CRIP3: variants seen among roughly 807,000 people sequenced by gnomAD.
CRIP3 encodes cysteine-rich protein 3.
In CRIP3, 23 loss-of-function variants were observed where a neutral mutation model predicts 30.3. The ratio of observed to expected loss-of-function variants is 0.76; its 90% CI spans 0.55 to 1.08. The LOEUF (loss-of-function observed/expected upper bound fraction) is 1.08. Among genes scored for constraint, CRIP3 ranks in the 50% least tolerant of loss-of-function variants. The pLI is 0.00. For missense variants in CRIP3, 261 were observed against 259.3 expected, an observed-to-expected ratio of 1.01 and a Z score of -0.04; for synonymous variants, 89 against 97.6, an observed-to-expected ratio of 0.91 and a Z score of 0.52.
At chr6:43,308,254 G>C in intron 2 of CRIP3, 61 bp downstream of exon 2, 1 of 1,415,950 alleles carries the variant, frequency 7.1e-7, no homozygotes, top group Non-Finnish European at 9.7e-7. Flanking sequence ...GTTGGGGGCT[G>C]GTGCCTGGGG....
chr6:43,306,170 C>T, intron 6 of CRIP3, 46 bp from the exon 7 acceptor site: 1 of 1,614,058 alleles, frequency 6.2e-7, no homozygotes, highest in Non-Finnish European at 8.5e-7. Context: ...GGTTCTCTTC[C>T]CATCTCCAGC....
rs1778911436 is a variant in CRIP3, at chr6:43,305,761, C to T, written c.*53G>A. On this transcript the variant is annotated 3_prime_UTR_variant, in exon 8 of 8. Transcript: ENST00000372569. ...GAGATTTTTGTAGCTTCCATTGGAC[C>T]ATGAGGGGCATGATGGGAGGCCTGA... The T allele has an allele frequency of 6.2e-7, 1 of 1,606,940 alleles. No homozygotes were observed. The highest frequency in any genetic ancestry group is 1.7e-5 in the Admixed American group (1 of 59,984).
chr6:43,308,435 C>A (rs1778992650), intron 1 of CRIP3, 26 bp from the exon 2 acceptor site: 1 of 1,596,368 alleles, frequency 6.3e-7, no homozygotes. Flanking sequence ...TGGAACCGAG[C>A]TGCGAGGAGC....
chr6:43,308,245 T>C, intron 2 of CRIP3, 70 bp downstream of exon 2: 9 of 1,356,946 alleles, frequency 6.6e-6, no homozygotes, highest in Non-Finnish European at 9.2e-6. Context: ...AGTGCTGAAG[T>C]TGGGGGCTGG....
At chr6:43,308,011 C>A in intron 2 of CRIP3, 115 bp from the exon 3 acceptor site, 1 of 1,186,932 alleles carries the variant, frequency 8.4e-7, no homozygotes, top group Admixed American at 2.0e-5. Flanking sequence ...GTCTGGTGGG[C>A]CTGGGAGGGG....
At chr6:43,307,562 C>G (rs1294199119) in intron 4 of CRIP3, 50 bp downstream of exon 4, 6 of 1,378,506 alleles carry the variant, frequency 4.4e-6, no homozygotes, top group Non-Finnish European at 5.7e-6. Context: ...TCCGCTCCAG[C>G]TTGGGGAAGG....
At chr6:43,308,126 C>T (rs1251245276) in intron 2 of CRIP3, among the ~76,000 whole-genome samples, 189 bp downstream of exon 2, 1 of 152,056 alleles carries the variant, frequency 6.6e-6, no homozygotes, top group South Asian at 2.1e-4. Context: ...ATCCCCAAAA[C>T]CATGGGATCC....
intron 3 of CRIP3, 27 bp downstream of exon 3, chr6:43,307,792 ACAAGGAGGGTTCTGCTGACC>A: frequency 6.2e-7 from 1 of 1,610,612 alleles, no homozygotes; most frequent in Non-Finnish European, 8.5e-7. Flanking sequence ...GCTCCCAGCC[ACAAGGAGGGTTCTGCTGACC>A]CATGGCCCCT....
chr6:43,308,246 TGGG>T (rs1778987349), intron 2 of CRIP3, 66 bp downstream of exon 2: 1 of 1,365,262 alleles, frequency 7.3e-7, no homozygotes, highest in South Asian at 1.3e-5. Flanking sequence ...GTGCTGAAGT[TGGG>T]GGCTGGTGCC....
rs774491969 is a variant in CRIP3, at chr6:43,306,133, CAG to C, written c.496-11_496-10del. The C allele has an allele frequency of 4.1e-5, 66 of 1,613,956 alleles. No homozygotes were observed. The highest frequency in any genetic ancestry group is 5.5e-5 in the Non-Finnish European group (65 of 1,180,010). On this transcript the variant is annotated splice_polypyrimidine_tract_variant and intron_variant, in intron 6 of 7. Coordinates refer to ENST00000372569, the MANE Select transcript of CRIP3 (RefSeq NM_206922.3). Reference sequence around the variant, plus strand: ...TAGGGGACTCCATCATGCTGAGACACAGAGAGAAAGAGAGCTGTCTCAGCCTG... The same window carrying C: ...TAGGGGACTCCATCATGCTGAGACACAGAGAAAGAGAGCTGTCTCAGCCTG...
intron 1 of CRIP3, 39 bp from the exon 2 acceptor site, chr6:43,308,448 G>A: frequency 2.6e-6 from 4 of 1,567,022 alleles, no homozygotes; most frequent in Non-Finnish European, 3.5e-6. Context: ...CGAGGAGCCT[G>A]TCCAAGCATA....
Position 43,305,807 on chromosome 6 carries a change from G to A in CRIP3, c.*7C>T. On this transcript the variant is annotated 3_prime_UTR_variant, in exon 8 of 8. Transcript: ENST00000372569. ...CCTGAGTTAGGGTGACCTTTTTTGT[G>A]AGCGTCTCATTTGAATTTTATCTTC... 6.2e-7 allele frequency: 1 copy of A among 1,614,076 alleles called. No homozygotes were observed. Among genetic ancestry groups the A allele is most frequent in the Middle Eastern group, 1.7e-4 (1 of 6,046 alleles).
rs376659690 is a variant in CRIP3 at position 43,308,588 on chromosome 6, G to T, written c.43+162C>A. Reference sequence around the variant, plus strand: ...CACACTCCCCACAGAGCTCTCAGAGGAAGGGAGAAGACCCGAGTGGGAGCG... The same window carrying T: ...CACACTCCCCACAGAGCTCTCAGAGTAAGGGAGAAGACCCGAGTGGGAGCG... On this transcript the variant is annotated intron_variant, in intron 1 of 7. Coordinates refer to ENST00000372569, the MANE Select transcript of CRIP3 (RefSeq NM_206922.3). The T allele has an allele frequency of 4.7e-4, 454 of 968,222 alleles. 4 individuals carry two copies. In the South Asian group the frequency reaches 6.6e-3, roughly 14 times the overall value. The allele number at this position is 968,222 out of a possible 1,614,324, so 60.0% of individuals were successfully genotyped here.
Position 43,308,378 on chromosome 6 carries a change from C to T in CRIP3, c.75G>A (p.Trp25Ter). 3 of 1,612,810 alleles carry T rather than the reference C, an allele frequency of 1.9e-6. No individual in the cohort carries two copies. Among genetic ancestry groups the T allele is most frequent in the Non-Finnish European group, 2.5e-6 (3 of 1,179,682 alleles). The change falls in exon 2 of 8, where the codon TGG becomes TGA. Residue 25 changes from tryptophan (W) to a stop codon, truncating the protein, a stop_gained. Transcript: ENST00000372569. LOFTEE classifies it high-confidence loss of function. ...AEKVSSLGKN[W>*]HRFCLKCERC... The stretch of plus-strand genomic sequence containing the variant: ...GCTCACATTTCAGGCAGAAGCGGTG[C>T]CAGTTCTTGCCCAGGGAGCTCACCT...
rs1383678652 is a variant in CRIP3, at chr6:43,308,762, G to A, written c.31C>T (p.Pro11Ser). MSWTCPRCQQ[P>S]VFFAEKVSSL... ...GCCCGGGCCTCACCGAAGAAAACAG[G>A]TTGCTGGCAACGCGGACAGGTCCAG... is the stretch of plus-strand genomic sequence containing the variant. The change falls in exon 1 of 8, where the codon CCT becomes TCT. Residue 11 changes from proline (P) to serine (S), a missense_variant. Transcript: ENST00000372569. The A allele has an allele frequency of 1.2e-6, 2 of 1,613,848 alleles. No homozygotes were observed. Among genetic ancestry groups the A allele is most frequent in the South Asian group, 2.2e-5 (2 of 91,084 alleles).
At position 43,305,757 on chromosome 6, in the gene CRIP3, G is replaced by A; in HGVS notation, c.*57C>T. On this transcript the variant is annotated 3_prime_UTR_variant, in exon 8 of 8. Coordinates refer to ENST00000372569, the MANE Select transcript of CRIP3 (RefSeq NM_206922.3). Reference sequence around the variant, plus strand: ...ACTGGAGATTTTTGTAGCTTCCATTGGACCATGAGGGGCATGATGGGAGGC... The same window carrying A: ...ACTGGAGATTTTTGTAGCTTCCATTAGACCATGAGGGGCATGATGGGAGGC... 6.2e-7 allele frequency: 1 copy of A among 1,603,186 alleles called. No individual in the cohort carries two copies. Among genetic ancestry groups the A allele is most frequent in the East Asian group, 2.2e-5 (1 of 44,814 alleles).
chr6:43,305,899 A>G, intron 7 of CRIP3, 24 bp from the exon 8 acceptor site: 3 of 1,614,130 alleles, frequency 1.9e-6, no homozygotes, highest in Non-Finnish European at 2.5e-6. Flanking sequence ...CCCTATCACC[A>G]AAGGCCCTGG....
intron 1 of CRIP3, 166 bp downstream of exon 1, chr6:43,308,584 A>C: frequency 1.1e-6 from 1 of 948,288 alleles, no homozygotes. Flanking sequence ...CAGAGCTCTC[A>C]GAGGAAGGGA....
Position 43,305,735 on chromosome 6 carries a change from GGAGA to G in CRIP3, c.*75_*78del. 1 of 1,570,952 alleles carries G rather than the reference GGAGA, an allele frequency of 6.4e-7. No individual in the cohort carries two copies. Among genetic ancestry groups the G allele is most frequent in the East Asian group, 2.2e-5 (1 of 44,654 alleles). On this transcript the variant is annotated 3_prime_UTR_variant, in exon 8 of 8. Transcript: ENST00000372569. ...CACCTTCCCCAACCCCCATGGGACT[GGAGA>G]TTTTTGTAGCTTCCATTGGACCATG...
Sources: allele counts gnomAD v4.1 joint callset (sites outside exome capture counted in the v4.1 genomes callset), GRCh38; gene constraint gnomAD v4.1.1; transcripts MANE v1.5; gene names NCBI Gene and HGNC (gene_info 2026-07-23, HGNC 2026-07-21).